The following HS6ST1 variants were observed in gnomAD, a reference collection of about 807,000 sequenced individuals.
HS6ST1 encodes the protein heparan sulfate 6-O-sulfotransferase 1.
In HS6ST1, 3 loss-of-function variants were observed where a neutral mutation model predicts 25.2. The observed-to-expected ratio is 0.12, with a 90% confidence interval of 0.05 to 0.31. The LOEUF (loss-of-function observed/expected upper bound fraction) is 0.31, where lower values mean the gene tolerates loss of function less well. Ranked by LOEUF, HS6ST1 falls within the 10% of genes least tolerant of loss-of-function variation. The pLI is 1.00. For synonymous variants in HS6ST1, 204 were observed against 275.1 expected (o/e 0.74, Z 2.56); for missense variants, 310 against 609.6 (o/e 0.51, Z 5.18).
intron 1 of HS6ST1, among the ~76,000 whole-genome samples, chr2:128,292,095 A>G (rs889498994): frequency 6.6e-6 from 1 of 152,198 alleles, no homozygotes; most frequent in Non-Finnish European, 1.5e-5. Context: ...ACAGGGCAAC[A>G]GTGAGGAGGG....
intron 1 of HS6ST1, among the ~76,000 whole-genome samples, chr2:128,283,206 C>A (rs1175173238): frequency 6.6e-6 from 1 of 152,196 alleles, no homozygotes; most frequent in Non-Finnish European, 1.5e-5. Context: ...CCCCCGAGCC[C>A]AGGGTGACTG....
intron 1 of HS6ST1, among the ~76,000 whole-genome samples, chr2:128,272,004 G>C (rs1454124232): frequency 1.3e-5 from 2 of 152,202 alleles, no homozygotes; most frequent in Non-Finnish European, 2.9e-5. Flanking sequence ...AGGTCCCCTG[G>C]GCGTTCAGAT....
intron 1 of HS6ST1, among the ~76,000 whole-genome samples, chr2:128,294,671 C>T (rs868274242): frequency 1.5e-5 from 2 of 136,046 alleles, no homozygotes; most frequent in Non-Finnish European, 3.2e-5. Context: ...AGAAGGGAGG[C>T]GTGTGTGTGT....
chr2:128,272,198 G>A (rs909220030), intron 1 of HS6ST1, among the ~76,000 whole-genome samples: 1 of 152,218 alleles, frequency 6.6e-6, no homozygotes, highest in Non-Finnish European at 1.5e-5. Context: ...CTGCCCTCCC[G>A]ATGTGGCCTG....
intron 1 of HS6ST1, among the ~76,000 whole-genome samples, chr2:128,297,601 G>A (rs577324897): frequency 6.6e-6 from 1 of 152,216 alleles, no homozygotes; most frequent in Non-Finnish European, 1.5e-5. Context: ...GCCGAGGTGG[G>A]TGATCCACCT....
At chr2:128,304,846 C>A (rs1392888617) in intron 1 of HS6ST1, among the ~76,000 whole-genome samples, 1 of 152,242 alleles carries the variant, frequency 6.6e-6, no homozygotes, top group African/African-American at 2.4e-5. Context: ...TGGCTACCTT[C>A]CTCTCCTGCA....
In HS6ST1 at chr2:128,306,116, C is replaced by CT. The variant is rs148141421; in HGVS notation, c.527+11920dup. 1.7e-3 allele frequency among the ~76,000 whole-genome samples: 253 copies of CT among 152,338 alleles called. 10 individuals carry two copies. In the East Asian group the frequency reaches 0.045, roughly 27 times the overall value. On this transcript the variant is annotated intron_variant, in intron 1 of 1. Coordinates refer to ENST00000259241, the MANE Select transcript of HS6ST1 (RefSeq NM_004807.3). ...TTTACTCATCTGCAAAACAGCGCCC[C>CT]TGACAGTGAGGCCTGAATGAGACTG... is the stretch of plus-strand genomic sequence containing the variant.
At chr2:128,281,920 A>G (rs922873030) in intron 1 of HS6ST1, among the ~76,000 whole-genome samples, 23 of 152,254 alleles carry the variant, frequency 1.5e-4, no homozygotes, top group Non-Finnish European at 1.0e-4. Flanking sequence ...GAGAGGTTCA[A>G]TAACTAGCCC....
At chr2:128,314,709 G>A (rs1039459313) in intron 1 of HS6ST1, among the ~76,000 whole-genome samples, 8 of 152,184 alleles carry the variant, frequency 5.3e-5, no homozygotes, top group African/African-American at 1.2e-4. Context: ...GCAGGGCAAC[G>A]TCACAGAGGC....
intron 1 of HS6ST1, among the ~76,000 whole-genome samples, chr2:128,274,320 A>C (rs1693658207): frequency 6.6e-6 from 1 of 152,186 alleles, no homozygotes; most frequent in African/African-American, 2.4e-5. Flanking sequence ...GACAAAAAAA[A>C]CAATACATAA....
intron 1 of HS6ST1, among the ~76,000 whole-genome samples, chr2:128,290,521 T>C (rs1693935272): frequency 6.6e-6 from 1 of 152,118 alleles, no homozygotes; most frequent in Admixed American, 6.5e-5. Flanking sequence ...ACTACGACCA[T>C]ACTTAGTAAC....
At chr2:128,289,014 C>G (rs993425044) in intron 1 of HS6ST1, among the ~76,000 whole-genome samples, 1 of 152,148 alleles carries the variant, frequency 6.6e-6, no homozygotes, top group Non-Finnish European at 1.5e-5. Context: ...CCTCAACCCC[C>G]GAGTCCATAT....
At chr2:128,271,208 C>T (rs1693604167) in intron 1 of HS6ST1, among the ~76,000 whole-genome samples, 1 of 152,212 alleles carries the variant, frequency 6.6e-6, no homozygotes, top group Admixed American at 6.5e-5. Context: ...CGTCAGAGGC[C>T]CAAGCATGCA....
Position 128,266,346 on chromosome 2 carries a change from A to T in HS6ST1, c.*1816T>A, listed in dbSNP as rs1489562255. 6.6e-6 allele frequency: 1 copy of T among 152,220 alleles called. No individual in the cohort carries two copies. The highest frequency in any genetic ancestry group is 6.5e-5 in the Admixed American group (1 of 15,272). 9.4% of individuals were successfully genotyped at this position (152,220 alleles called of 1,614,324 possible). A position where few individuals can be genotyped will look rare whatever the true frequency, so the allele number is the denominator to read the frequency against. On this transcript the variant is annotated 3_prime_UTR_variant, in exon 2 of 2. Transcript: ENST00000259241. ...CCCTTTGAAAGAACCACACCACTAAATCCCCTTGGCACTCACTTCCTTAGT... is the reference window on the plus strand; with the variant it reads ...CCCTTTGAAAGAACCACACCACTAATTCCCCTTGGCACTCACTTCCTTAGT...
At position 128,268,091 on chromosome 2, in the gene HS6ST1, G is replaced by A; in HGVS notation, c.*71C>T. ...GGATGCTCATCCCTTGACAGTCTTG[G>A]GTGGACCTGTCGTCTGTCCTGTTTT... On this transcript the variant is annotated 3_prime_UTR_variant, in exon 2 of 2. Coordinates refer to ENST00000259241, the MANE Select transcript of HS6ST1 (RefSeq NM_004807.3). The A allele has an allele frequency of 1.9e-6, 2 of 1,080,770 alleles. No homozygotes were observed. 66.9% of individuals were successfully genotyped at this position (1,080,770 alleles called of 1,614,324 possible). A position where few individuals can be genotyped will look rare whatever the true frequency, so the allele number is the denominator to read the frequency against.
intron 1 of HS6ST1, among the ~76,000 whole-genome samples, chr2:128,301,849 GC>G (rs1242892161): frequency 3.3e-5 from 5 of 152,190 alleles, no homozygotes; most frequent in African/African-American, 1.2e-4. Flanking sequence ...GTGTTCCTGG[GC>G]CCCACTGGCT....
At chr2:128,289,912 T>C (rs911954234) in intron 1 of HS6ST1, 1 of 152,216 alleles carries the variant, frequency 6.6e-6, no homozygotes, top group East Asian at 1.9e-4. Flanking sequence ...AATAGCCCGA[T>C]AATCTCAAAA....
intron 1 of HS6ST1, among the ~76,000 whole-genome samples, chr2:128,280,440 C>A (rs1052210803): frequency 6.6e-6 from 1 of 152,212 alleles, no homozygotes; most frequent in African/African-American, 2.4e-5. Context: ...CCAGGAGGCA[C>A]AGGCATGTGA....
chr2:128,284,504 CTTTTT>C (rs71396519), intron 1 of HS6ST1, among the ~76,000 whole-genome samples: 1 of 94,888 alleles, frequency 1.1e-5, no homozygotes, highest in South Asian at 3.3e-4. Context: ...CATCGTCCCT[CTTTTT>C]TTTTTTTTTT....
Sources: allele counts gnomAD v4.1 joint callset (sites outside exome capture counted in the v4.1 genomes callset), GRCh38; gene constraint gnomAD v4.1.1; transcripts MANE v1.5; gene names NCBI Gene and HGNC (gene_info 2026-07-23, HGNC 2026-07-21).